RXRA: variants seen among roughly 807,000 people sequenced by gnomAD.
RXRA encodes the protein retinoid X receptor alpha.
In RXRA, 5 loss-of-function variants were observed where a neutral mutation model predicts 44.5. The observed-to-expected ratio is 0.11, with a 90% CI of 0.06 to 0.24. The LOEUF (loss-of-function observed/expected upper bound fraction) is 0.24, where lower values mean the gene tolerates loss of function less well. Among genes scored for constraint, RXRA ranks in the 10% least tolerant of loss-of-function variants. The pLI is 1.00. For missense variants in RXRA, 412 were observed against 646.5 expected (o/e 0.64, Z 3.93); for synonymous variants, 291 against 271.4 (o/e 1.07, Z -0.71).
intron 2 of RXRA, chr9:134,405,940 T>A (rs1260863090): frequency 6.6e-6 from 1 of 152,300 alleles, no homozygotes; most frequent in Admixed American, 6.5e-5. Context: ...GGGGCCCCTG[T>A]GCCTGGGACA....
At chr9:134,387,589 G>A (rs141711951) in intron 1 of RXRA, among the ~76,000 whole-genome samples, 1 of 152,256 alleles carries the variant, frequency 6.6e-6, no homozygotes, top group Non-Finnish European at 1.5e-5. Context: ...GGAGCCACTT[G>A]GTTTTGGAGC....
intron 9 of RXRA, among the ~76,000 whole-genome samples, 198 bp downstream of exon 9, chr9:134,434,405 C>T (rs921122373): frequency 6.6e-6 from 1 of 152,126 alleles, no homozygotes; most frequent in African/African-American, 2.4e-5. Context: ...AGGCCCACGT[C>T]GTATCCCCAC....
chr9:134,335,983 C>T (rs1040744422), intron 1 of RXRA, among the ~76,000 whole-genome samples: 3 of 152,216 alleles, frequency 2.0e-5, no homozygotes, highest in Non-Finnish European at 4.4e-5. Context: ...TCTCCCCACC[C>T]GGAGGGAGGA....
intron 2 of RXRA, 35 bp from the exon 3 acceptor site, chr9:134,408,114 T>C: frequency 1.3e-6 from 2 of 1,500,344 alleles, no homozygotes; most frequent in Non-Finnish European, 1.8e-6. Flanking sequence ...AAACCTGGTG[T>C]ACACCCCGCT....
At chr9:134,368,241 G>T (rs1304569723) in intron 1 of RXRA, among the ~76,000 whole-genome samples, 1 of 152,240 alleles carries the variant, frequency 6.6e-6, no homozygotes, top group African/African-American at 2.4e-5. Flanking sequence ...TGTCCCCAGG[G>T]CTCTGCTGAT....
intron 1 of RXRA, among the ~76,000 whole-genome samples, chr9:134,388,023 A>G (rs1293727804): frequency 1.3e-5 from 2 of 152,096 alleles, no homozygotes; most frequent in East Asian, 3.9e-4. Flanking sequence ...CTTATAGGGC[A>G]CTTATCGCTG....
intron 1 of RXRA, among the ~76,000 whole-genome samples, chr9:134,347,358 G>A (rs868942017): frequency 9.4e-4 from 143 of 152,354 alleles, no homozygotes; most frequent in African/African-American, 3.3e-3. Context: ...GATGAATTGC[G>A]GGTGCTCGTG....
chr9:134,393,348 C>T (rs1428932753), intron 1 of RXRA, among the ~76,000 whole-genome samples: 2 of 152,264 alleles, frequency 1.3e-5, no homozygotes, highest in African/African-American at 4.8e-5. Context: ...TGTGCCCCTC[C>T]TGTCCACATC....
At position 134,392,340 on chromosome 9, in the gene RXRA, C is replaced by G. The variant is rs143261174; in HGVS notation, c.29-9292C>G. ...CGATGCCCCGGGGGGAATGGCCGTA[C>G]AGGGGCACAGGTCAGCTTACCGAGT... On this transcript the variant is annotated intron_variant, in intron 1 of 9. Transcript: ENST00000481739. 9.3e-3 allele frequency among the ~76,000 whole-genome samples: 1,396 copies of G among 150,372 alleles called. 23 individuals are homozygous for G. Among genetic ancestry groups the G allele is most frequent in the African/African-American group, 0.032 (1,330 of 41,092 alleles).
At chr9:134,348,693 C>G (rs896452306) in intron 1 of RXRA, among the ~76,000 whole-genome samples, 5 of 152,236 alleles carry the variant, frequency 3.3e-5, no homozygotes, top group Admixed American at 6.5e-5. Flanking sequence ...TCCTCGGGGT[C>G]CTAGGCTGCA....
At chr9:134,374,553 G>A (rs974492451) in intron 1 of RXRA, among the ~76,000 whole-genome samples, 22 of 152,256 alleles carry the variant, frequency 1.4e-4, no homozygotes, top group Non-Finnish European at 1.5e-4. Context: ...GGCACCCCCC[G>A]CCTCCGGTCT....
intron 1 of RXRA, among the ~76,000 whole-genome samples, chr9:134,338,705 G>A (rs1489990965): frequency 3.3e-5 from 5 of 152,212 alleles, no homozygotes; most frequent in Admixed American, 1.3e-4. Context: ...TATCGGAGGG[G>A]GCAGCTGGTG....
rs140558030 is a variant in RXRA, at chr9:134,417,939, C to T, written c.780+612C>T. ...ATTGGGTGGGCCGCAGCCCTGGTCC[C>T]GGGCTCTTCTCCTGGGCTGGCTCCA... On this transcript the variant is annotated intron_variant, in intron 5 of 9. Coordinates refer to ENST00000481739, the MANE Select transcript of RXRA (RefSeq NM_002957.6). The surrounding 1 kb of genome is among the most constrained non-coding windows in gnomAD (Gnocchi z 6.1). Among the ~76,000 whole-genome samples the T allele has an allele frequency of 1.0e-3, 152 of 152,212 alleles. No individual in the cohort carries two copies. Among genetic ancestry groups the T allele is most frequent in the Non-Finnish European group, 1.6e-3 (108 of 68,000 alleles).
intron 1 of RXRA, 107 bp from the exon 2 acceptor site, chr9:134,401,525 C>G (rs760823583): frequency 4.5e-6 from 7 of 1,560,958 alleles, no homozygotes; most frequent in Admixed American, 1.8e-5. Context: ...TTGAGGGTGC[C>G]GGGGTCTTCC....
At chr9:134,374,851 A>G (rs1230926986) in intron 1 of RXRA, among the ~76,000 whole-genome samples, 1 of 152,180 alleles carries the variant, frequency 6.6e-6, no homozygotes, top group Non-Finnish European at 1.5e-5. Flanking sequence ...CTGCCTGGCT[A>G]GTTCTTAAGG....
In RXRA at chr9:134,429,130, C is replaced by T. The variant is rs1161740672; in HGVS notation, c.933C>T (p.Ala311=). Reference sequence around the variant, plus strand: ...CAGGCTGGAATGAGCTGCTCATCGCCTCCTTCTCCCACCGCTCCATCGCCG... The same window carrying T: ...CAGGCTGGAATGAGCTGCTCATCGCTTCCTTCTCCCACCGCTCCATCGCCG... ...LRAGWNELLI[A]SFSHRSIAVK... is the part of the protein sequence containing the mutation. The change falls in exon 7 of 10, where the codon GCC becomes GCT. Residue 311 remains alanine (A), a synonymous_variant. Transcript: ENST00000481739. 3 of 1,612,948 alleles carry T rather than the reference C, an allele frequency of 1.9e-6. No homozygotes were observed. Among genetic ancestry groups the T allele is most frequent in the East Asian group, 2.2e-5 (1 of 44,872 alleles).
chr9:134,421,771 G>T lies in RXRA; in HGVS notation c.876G>T (p.Leu292=). Residue 292 remains leucine, a synonymous_variant, in exon 6 of 10, where the codon CTG becomes CTT. Coordinates refer to ENST00000481739, the MANE Select transcript of RXRA (RefSeq NM_002957.6). Reference sequence around the variant, plus strand: ...AGCGGATCCCACACTTCTCAGAGCTGCCCCTGGACGACCAGGTCATCCTGC... The same window carrying T: ...AGCGGATCCCACACTTCTCAGAGCTTCCCCTGGACGACCAGGTCATCCTGC... ...WAKRIPHFSE[L]PLDDQVILLR... 6.2e-7 allele frequency: 1 copy of T among 1,612,006 alleles called. No homozygotes were observed. The highest frequency in any genetic ancestry group is 8.5e-7 in the Non-Finnish European group (1 of 1,178,668).
At chr9:134,412,716 G>C (rs1831169325) in intron 4 of RXRA, among the ~76,000 whole-genome samples, 1 of 152,212 alleles carries the variant, frequency 6.6e-6, no homozygotes, top group African/African-American at 2.4e-5. Flanking sequence ...AGGGGGCAGG[G>C]GTTGGGGGTC....
chr9:134,424,231 G>C, intron 6 of RXRA: 1 of 985,422 alleles, frequency 1.0e-6, no homozygotes, highest in Non-Finnish European at 1.2e-6. Flanking sequence ...CTCCCCGCAA[G>C]GCCCTTCCCT....
Sources: allele counts gnomAD v4.1 joint callset (sites outside exome capture counted in the v4.1 genomes callset), GRCh38; gene constraint gnomAD v4.1.1; non-coding constraint Gnocchi (gnomAD v3.1); transcripts MANE v1.5; gene names NCBI Gene and HGNC (gene_info 2026-07-23, HGNC 2026-07-21).